Variants in LUC7L2 observed in about 807,000 individuals in gnomAD.
LUC7L2 encodes putative RNA-binding protein Luc7-like 2.
Under a neutral mutation model 52.8 loss-of-function variants are expected in LUC7L2, and 25 were observed. The observed-to-expected ratio is 0.47, with a 90% CI of 0.34 to 0.66. LUC7L2 has a LOEUF of 0.66. Among genes scored for constraint, LUC7L2 ranks in the 30% least tolerant of loss-of-function variants. The pLI is 0.01. For missense variants in LUC7L2, 328 were observed against 497.8 expected (o/e 0.66, Z 3.25); for synonymous variants, 144 against 160.9 (o/e 0.89, Z 0.80).
chr7:139,352,539 T>A (rs1799489168), intron 1 of LUC7L2, among the ~76,000 whole-genome samples: 1 of 152,150 alleles, frequency 6.6e-6, no homozygotes, highest in Non-Finnish European at 1.5e-5. Context: ...AGCAATATAG[T>A]TTATATGCTT....
intron 2 of LUC7L2, among the ~76,000 whole-genome samples, chr7:139,395,911 G>C (rs1794641322): frequency 6.6e-6 from 1 of 152,172 alleles, no homozygotes; most frequent in Non-Finnish European, 1.5e-5. Flanking sequence ...GCCCCCCGAA[G>C]TGCTGGGATT....
chr7:139,359,240 A>T (rs1799725305), upstream of LUC7L2: 1 of 152,148 alleles, frequency 6.6e-6, no homozygotes, highest in Non-Finnish European at 1.5e-5. Context: ...CTGAGTTTTT[A>T]TGGTTTCACA....
chr7:139,380,377 C>G (rs1260525458), intron 2 of LUC7L2, among the ~76,000 whole-genome samples: 1 of 151,938 alleles, frequency 6.6e-6, no homozygotes, highest in Non-Finnish European at 1.5e-5. Context: ...GATGGGGGAT[C>G]ATCCAAGGTC....
At chr7:139,380,715 C>G (rs912773354) in intron 2 of LUC7L2, among the ~76,000 whole-genome samples, 1 of 152,214 alleles carries the variant, frequency 6.6e-6, no homozygotes, top group South Asian at 2.1e-4. Flanking sequence ...GCTAAACTCA[C>G]TGTAGGCAGT....
At chr7:139,368,558 G>T (rs1043882257) in intron 1 of LUC7L2, among the ~76,000 whole-genome samples, 1 of 152,082 alleles carries the variant, frequency 6.6e-6, no homozygotes, top group South Asian at 2.1e-4. Flanking sequence ...GGCCAACATG[G>T]TGAAACCTGT....
Position 139,422,589 on chromosome 7 carries a change from CT to C in LUC7L2, c.*252del. 2.7e-6 allele frequency: 2 copies of C among 753,668 alleles called. No individual in the cohort carries two copies. The highest frequency in any genetic ancestry group is 1.8e-5 in the African/African-American group (1 of 54,448). 46.7% of individuals were successfully genotyped at this position (753,668 alleles called of 1,614,324 possible). Reference sequence around the variant, plus strand: ...GTTTTATATAATAAGATGCTGATCTCTTTATTCTTTCAAGTAAGAGTGCTAG... The same window carrying C: ...GTTTTATATAATAAGATGCTGATCTCTTATTCTTTCAAGTAAGAGTGCTAG... On this transcript the variant is annotated 3_prime_UTR_variant, in exon 10 of 10. Transcript: ENST00000354926.
chr7:139,416,441 T>C (rs539596715), intron 8 of LUC7L2: 4 of 152,314 alleles, frequency 2.6e-5, no homozygotes, highest in African/African-American at 9.6e-5. Flanking sequence ...TGTGTATTCA[T>C]TAGAAATACA....
intron 8 of LUC7L2, among the ~76,000 whole-genome samples, chr7:139,415,054 GTTTTTTTTT>G (rs1171809951): frequency 1.8e-5 from 1 of 54,192 alleles, no homozygotes; most frequent in Non-Finnish European, 3.1e-5. Context: ...GCCCTGCTAA[GTTTTTTTTT>G]TTTTTTTTTT....
intron 2 of LUC7L2, chr7:139,392,595 T>A (rs1397992403): frequency 5.0e-6 from 1 of 198,438 alleles, no homozygotes; most frequent in Non-Finnish European, 1.1e-5. Flanking sequence ...TCTAAGCATT[T>A]AGATGTAAAA....
intron 9 of LUC7L2, among the ~76,000 whole-genome samples, chr7:139,421,478 G>A (rs1294011423): frequency 2.0e-5 from 3 of 152,208 alleles, no homozygotes; most frequent in Admixed American, 2.0e-4. Context: ...GAATGGAGAA[G>A]GTAGTAAACA....
At chr7:139,386,943 G>A (rs1585102040) in intron 2 of LUC7L2, among the ~76,000 whole-genome samples, 1 of 151,902 alleles carries the variant, frequency 6.6e-6, no homozygotes, top group Non-Finnish European at 1.5e-5. Flanking sequence ...GGGTTCAAGC[G>A]ATTCTCCTGC....
upstream of LUC7L2, chr7:139,359,718 C>G (rs952952808): frequency 2.5e-6 from 1 of 398,956 alleles, no homozygotes; most frequent in Non-Finnish European, 4.4e-6. Flanking sequence ...CTTGCACAGT[C>G]AGTTAAGGAA....
At chr7:139,388,437 T>C (rs1242185259) in intron 2 of LUC7L2, among the ~76,000 whole-genome samples, 2 of 152,028 alleles carry the variant, frequency 1.3e-5, no homozygotes, top group Non-Finnish European at 2.9e-5. Context: ...AGCAGCGTTA[T>C]GTATGCACAA....
In LUC7L2 at chr7:139,365,129, C is replaced by A. The variant is rs575878040; in HGVS notation, c.61+4807C>A. On this transcript the variant is annotated intron_variant, in intron 1 of 9. Coordinates refer to ENST00000354926, the MANE Select transcript of LUC7L2 (RefSeq NM_016019.5). ...GGCATATCCAAAACACTGAAAGCAC[C>A]TGCATAGTGAATCAATGAAAAAAGA... is the stretch of plus-strand genomic sequence containing the variant. Among the ~76,000 whole-genome samples, 55 of 152,274 alleles carry A rather than the reference C, an allele frequency of 3.6e-4. 1 individual carries two copies. The South Asian group carries it at 0.011, about 30-fold the overall frequency.
intron 3 of LUC7L2, 57 bp from the exon 4 acceptor site, chr7:139,402,080 A>G: frequency 1.3e-6 from 2 of 1,497,926 alleles, no homozygotes; most frequent in Non-Finnish European, 1.8e-6. Flanking sequence ...TTGTATGAAG[A>G]TATTTCTGAA....
chr7:139,384,602 A>C (rs557399277), intron 2 of LUC7L2, among the ~76,000 whole-genome samples: 23 of 152,352 alleles, frequency 1.5e-4, no homozygotes, highest in Admixed American at 5.9e-4. Flanking sequence ...ATTGCCAGTG[A>C]ATAATTAAAA....
At chr7:139,417,366 A>T in intron 8 of LUC7L2, 172 bp from the exon 9 acceptor site, 1 of 828,546 alleles carries the variant, frequency 1.2e-6, no homozygotes, top group Non-Finnish European at 1.8e-6. Context: ...TTTATTTTGA[A>T]TTCTAGTATG....
chr7:139,381,375 TTTTTA>T (rs1254807818), intron 2 of LUC7L2, among the ~76,000 whole-genome samples: 1 of 66,092 alleles, frequency 1.5e-5, no homozygotes, highest in African/African-American at 3.9e-4. Context: ...TTTTATTTTA[TTTTTA>T]TTTTATTTTT....
intron 4 of LUC7L2, among the ~76,000 whole-genome samples, chr7:139,404,625 A>G (rs186211315): frequency 4.8e-4 from 73 of 152,338 alleles, no homozygotes; most frequent in Admixed American, 1.7e-3. Flanking sequence ...ATGTGCCATT[A>G]CAACAGTAGG....
Sources: gnomAD v4.1 joint callset for allele counts (sites outside exome capture counted in the v4.1 genomes callset) on GRCh38, gnomAD v4.1.1 for gene constraint, MANE v1.5 for transcripts, NCBI Gene and HGNC (gene_info 2026-07-23, HGNC 2026-07-21) for gene names.